Variants in WDR81 observed in about 807,000 individuals in gnomAD.
WDR81 encodes WD repeat-containing protein 81.
Under a neutral mutation model 140.8 loss-of-function variants are expected in WDR81, and 92 were observed. The ratio of observed to expected loss-of-function variants is 0.65; its 90% CI spans 0.55 to 0.78. The LOEUF (loss-of-function observed/expected upper bound fraction) is 0.78, where lower values mean the gene tolerates loss of function less well. Ranked by LOEUF, WDR81 falls within the 30% of genes least tolerant of loss-of-function variation. The pLI is 0.00. For missense variants in WDR81, 2,502 were observed against 2,636.4 expected, an observed-to-expected ratio of 0.95 and a Z score of 1.12; for synonymous variants, 1,183 against 1,156.4, an observed-to-expected ratio of 1.02 and a Z score of -0.47.
upstream of WDR81, among the ~76,000 whole-genome samples, chr17:1,722,896 A>T (rs920148816): frequency 2.8e-5 from 4 of 144,556 alleles, no homozygotes; most frequent in African/African-American, 5.1e-5. Context: ...AGTTTCCCCA[A>T]GTTGGCCGGG....
At chr17:1,720,986 GCA>G (rs1007201947), upstream of WDR81, among the ~76,000 whole-genome samples, 4 of 152,070 alleles carry the variant, frequency 2.6e-5, no homozygotes, top group African/African-American at 9.7e-5. Context: ...AGAGGGCAGG[GCA>G]CACACAGACT....
intron 1 of WDR81, among the ~76,000 whole-genome samples, chr17:1,717,378 T>A (rs1357093511): frequency 6.6e-6 from 1 of 152,198 alleles, no homozygotes; most frequent in East Asian, 1.9e-4. Context: ...GAGGAACATG[T>A]GGACTGAAAT....
At chr17:1,723,455 A>ATTTT (rs1184517785), upstream of WDR81, among the ~76,000 whole-genome samples, 7 of 113,770 alleles carry the variant, frequency 6.2e-5, no homozygotes, top group African/African-American at 1.6e-4. Flanking sequence ...TTATTTATTT[A>ATTTT]TTTTTATTTA....
Position 1,728,279 on chromosome 17 carries a change from G to A in WDR81, c.3320G>A (p.Arg1107Gln), listed in dbSNP as rs976278499. 8 of 1,612,620 alleles carry A rather than the reference G, an allele frequency of 5.0e-6. No homozygotes were observed. Among genetic ancestry groups the A allele is most frequent in the African/African-American group, 2.7e-5 (2 of 74,956 alleles). The change falls in exon 1 of 10, where the codon CGG becomes CAG. Residue 1107 changes from arginine (R) to glutamine (Q), a missense_variant. Arg to Gln is a conservative substitution (Grantham distance 43). Transcript: ENST00000409644. ...PQEAEAVSLGRLSDKSSTSET... is the reference protein window; with the variant it reads ...PQEAEAVSLGQLSDKSSTSET... ...GAGGCTGAGGCTGTGAGCCTGGGCC[G>A]GCTGAGTGACAAGAGCAGCACCAGC... is the stretch of plus-strand genomic sequence containing the variant.
In WDR81 at chr17:1,728,099, G is replaced by A. The variant is rs766087627; in HGVS notation, c.3140G>A (p.Gly1047Glu). The A allele has an allele frequency of 1.2e-6, 2 of 1,602,320 alleles. No homozygotes were observed. The highest frequency in any genetic ancestry group is 1.7e-6 in the Non-Finnish European group (2 of 1,174,888). Residue 1047 changes from glycine to glutamate, a missense_variant, in exon 1 of 10, where the codon GGG becomes GAG. By Grantham distance (98) the Gly-to-Glu change is moderately conservative. This residue lies in a region of WDR81 where 1,737 missense variants were observed against 1,843.0 expected (regional missense o/e 0.94). Transcript: ENST00000409644. Reference sequence around the variant, plus strand: ...GCCGGGCCTGGCTCCTGTGCTTTTGGGGAGGAGATTCCCATGGATGGGGAG... The same window carrying A: ...GCCGGGCCTGGCTCCTGTGCTTTTGAGGAGGAGATTCCCATGGATGGGGAG... Reference protein sequence around the residue: ...PGAGPGSCAFGEEIPMDGEPP... With the variant: ...PGAGPGSCAFEEEIPMDGEPP...
At chr17:1,737,259 C>A in intron 9 of WDR81, 106 bp from the exon 10 acceptor site, 1 of 1,188,380 alleles carries the variant, frequency 8.4e-7, no homozygotes, top group Non-Finnish European at 1.1e-6. Context: ...CCCAGGACGG[C>A]CTGTCTCCCT....
At chr17:1,730,268 C>T (rs1422618166) in intron 1 of WDR81, 112 bp from the exon 2 acceptor site, 2 of 846,078 alleles carry the variant, frequency 2.4e-6, no homozygotes, top group Non-Finnish European at 3.6e-6. Flanking sequence ...CCGGGCTGGG[C>T]TCTTGGCAGA....
In WDR81 at chr17:1,727,273, C is replaced by T. The variant is rs1337157260; in HGVS notation, c.2314C>T (p.Gln772Ter). 3 of 1,550,156 alleles carry T rather than the reference C, an allele frequency of 1.9e-6. No individual in the cohort carries two copies. Among genetic ancestry groups the T allele is most frequent in the East Asian group, 2.4e-5 (1 of 40,942 alleles). Residue 772 changes from glutamine to a stop codon, truncating the protein, a stop_gained, in exon 1 of 10, where the codon CAG (glutamine) becomes TAG (stop). Transcript: ENST00000409644. LOFTEE classifies it high-confidence loss of function. ...PLQCLLHRDMQALGVLLAEMV... is the reference protein window; with the variant it reads ...PLQCLLHRDM ...GCAGTGCCTACTCCACAGGGACATG[C>T]AGGCGCTGGGTGTCCTATTGGCAGA...
At position 1,726,528 on chromosome 17, in the gene WDR81, G is replaced by A. The variant is rs1429737803; in HGVS notation, c.1569G>A (p.Glu523=). The change falls in exon 1 of 10, where the codon GAG becomes GAA. Residue 523 remains glutamate (E), a synonymous_variant. Coordinates refer to ENST00000409644, the MANE Select transcript of WDR81 (RefSeq NM_001163809.2). ...DVPAWCSSSQ[E]FVAAHRALLE... ...CAGCCTGGTGCAGCTCCAGCCAGGAGTTCGTAGCTGCCCACCGAGCCCTGC... is the reference window on the plus strand; with the variant it reads ...CAGCCTGGTGCAGCTCCAGCCAGGAATTCGTAGCTGCCCACCGAGCCCTGC... The A allele has an allele frequency of 6.4e-7, 1 of 1,550,436 alleles. No individual in the cohort carries two copies. Among genetic ancestry groups the A allele is most frequent in the Non-Finnish European group, 8.7e-7 (1 of 1,147,008 alleles).
chr17:1,731,330 T>A, intron 4 of WDR81, 72 bp downstream of exon 4: 2 of 1,520,220 alleles, frequency 1.3e-6, no homozygotes, highest in Non-Finnish European at 1.8e-6. Flanking sequence ...GGTGGGAAGC[T>A]CAGGGGAGAG....
In WDR81 at chr17:1,725,357, A is replaced by C; in HGVS notation, c.398A>C (p.Glu133Ala). 1 of 1,549,368 alleles carries C rather than the reference A, an allele frequency of 6.5e-7. No homozygotes were observed. Among genetic ancestry groups the C allele is most frequent in the Non-Finnish European group, 8.7e-7 (1 of 1,146,966 alleles). ...LPFEDGSCGP[E>A]TLTRFMQEVA... ...TTTGAGGACGGGTCCTGCGGCCCTG[A>C]GACCCTCACTCGCTTCATGCAGGAG... is the stretch of plus-strand genomic sequence containing the variant. The change falls in exon 1 of 10, where the codon GAG (glutamate) becomes GCG (alanine). Residue 133 changes from glutamate to alanine, a missense_variant. Physicochemically the swap from Glu to Ala is moderately radical, Grantham distance 107 (BLOSUM62 -1). Around this residue, in one of 3 missense-constraint regions of WDR81, gnomAD observed 547 missense variants for 513.8 expected, o/e 1.06. Transcript: ENST00000409644.
chr17:1,722,054 C>T (rs1471341000), upstream of WDR81, among the ~76,000 whole-genome samples: 11 of 151,762 alleles, frequency 7.2e-5, no homozygotes, highest in African/African-American at 2.2e-4. Context: ...ACCCGGGAGG[C>T]GGAGATTGCG....
chr17:1,736,137 C>T lies in WDR81; in HGVS notation c.5424C>T (p.Gly1808=). 1 of 1,602,222 alleles carries T rather than the reference C, an allele frequency of 6.2e-7. No individual in the cohort carries two copies. Among genetic ancestry groups the T allele is most frequent in the Non-Finnish European group, 8.5e-7 (1 of 1,179,860 alleles). Residue 1808 remains glycine (G), a synonymous_variant, in exon 9 of 10, where the codon GGC becomes GGT. Coordinates refer to ENST00000409644, the MANE Select transcript of WDR81 (RefSeq NM_001163809.2). The stretch of plus-strand genomic sequence containing the variant: ...GTGTCGTGGCCGGCTTCTCCTCAGG[C>T]TTCATGGTGCTCCTGGACACCCGCA... The part of the protein sequence containing the change: ...GRSVVAGFSS[G]FMVLLDTRTG...
intron 3 of WDR81, 26 bp from the exon 4 acceptor site, chr17:1,731,042 G>T: frequency 6.2e-7 from 1 of 1,608,298 alleles, no homozygotes; most frequent in Non-Finnish European, 8.5e-7. Flanking sequence ...GGGGCTGCCC[G>T]GCCCTCATCT....
rs1436550949 is a variant in WDR81, at chr17:1,733,606, C to T, written c.4569C>T (p.Pro1523=). Residue 1523 remains proline, a synonymous_variant, in exon 7 of 10, where the codon CCC becomes CCT. Coordinates refer to ENST00000409644, the MANE Select transcript of WDR81 (RefSeq NM_001163809.2). ...LAALYLESIS[P]SSRNPASVEP... ...CGCTGTACTTGGAGAGCATCAGCCC[C>T]AGCAGTCGCAACCCTGCCAGCGTGG... is the stretch of plus-strand genomic sequence containing the variant. 1 of 1,578,192 alleles carries T rather than the reference C, an allele frequency of 6.3e-7. No homozygotes were observed. The highest frequency in any genetic ancestry group is 2.3e-5 in the East Asian group (1 of 44,438).
chr17:1,723,182 C>T (rs1203972479), upstream of WDR81, among the ~76,000 whole-genome samples: 1 of 152,140 alleles, frequency 6.6e-6, no homozygotes, highest in Non-Finnish European at 1.5e-5. Flanking sequence ...TGCTTTGGTG[C>T]CGGCTGTCTG....
At position 1,725,006 on chromosome 17, in the gene WDR81, C is replaced by A; in HGVS notation, c.47C>A (p.Ala16Asp). The A allele has an allele frequency of 2.0e-6, 3 of 1,470,498 alleles. No homozygotes were observed. Among genetic ancestry groups the A allele is most frequent in the Non-Finnish European group, 2.7e-6 (3 of 1,113,468 alleles). The allele number at this position is 1,470,498 out of a possible 1,614,324, so 91.1% of individuals were successfully genotyped here. A position where few individuals can be genotyped will look rare whatever the true frequency, so the allele number is the denominator to read the frequency against. ...CGGGAAGGCGCTCTCAGAACCCCGG[C>A]CGGGGGCTGGCATTCCCCGCCAAGC... The part of the protein sequence containing the change: ...GGREGALRTP[A>D]GGWHSPPSPD... Residue 16 changes from alanine (A) to aspartate (D), a missense_variant, in exon 1 of 10, where the codon GCC becomes GAC. By Grantham distance (126) the Ala-to-Asp change is moderately radical. Transcript: ENST00000409644.
chr17:1,731,130 G>A lies in WDR81; in HGVS notation c.4029G>A (p.Leu1343=), dbSNP rs192580443. Residue 1343 remains leucine, a synonymous_variant, in exon 4 of 10, where the codon CTG becomes CTA. Coordinates refer to ENST00000409644, the MANE Select transcript of WDR81 (RefSeq NM_001163809.2). ...RLNSRKEAGL[L]AAVTLTQKII... ...ACAGCCGTAAGGAGGCGGGGCTGCT[G>A]GCCGCGGTGACGCTGACTCAGAAGA... The A allele has an allele frequency of 1.7e-5, 27 of 1,613,320 alleles. No individual in the cohort carries two copies. The Admixed American group carries it at 3.0e-4, about 18-fold the overall frequency.
chr17:1,728,054 AGG>A lies in WDR81; in HGVS notation c.3096_3097del (p.Ser1034ArgfsTer44). On this transcript the variant is annotated frameshift_variant, in exon 1 of 10. Coordinates refer to ENST00000409644, the MANE Select transcript of WDR81 (RefSeq NM_001163809.2). LOFTEE classifies it high-confidence loss of function. ...GACCTGGCAGGGGCTGCTGAGGAGG[AGG>A]AGAGCGGGCTGCCCGGGGCCGGGCC... The A allele has an allele frequency of 6.4e-7, 1 of 1,571,546 alleles. No homozygotes were observed. The highest frequency in any genetic ancestry group is 1.2e-5 in the South Asian group (1 of 86,496).
Sources: allele counts gnomAD v4.1 joint callset (sites outside exome capture counted in the v4.1 genomes callset), GRCh38; gene constraint gnomAD v4.1.1; regional missense constraint gnomAD v4.1.1; transcripts MANE v1.5; gene names NCBI Gene and HGNC (gene_info 2026-07-23, HGNC 2026-07-21).